SLIT2: variants seen among roughly 807,000 people sequenced by gnomAD.
The protein encoded by SLIT2 is slit homolog 2 protein.
SLIT2 carries 41 observed loss-of-function variants against 185.7 expected under a neutral mutation model. The ratio of observed to expected loss-of-function variants is 0.22; its 90% CI spans 0.17 to 0.29. SLIT2 has a LOEUF of 0.29. Among genes scored for constraint, SLIT2 ranks in the 10% least tolerant of loss-of-function variants. The pLI is 1.00. For synonymous variants in SLIT2, 693 were observed against 680.2 expected (o/e 1.02, Z -0.29); for missense variants, 1,571 against 1,909.0 (o/e 0.82, Z 3.30).
chr4:20,450,771 A>G (rs1160875633), intron 4 of SLIT2, among the ~76,000 whole-genome samples: 2 of 152,228 alleles, frequency 1.3e-5, no homozygotes, highest in African/African-American at 4.8e-5. Flanking sequence ...TGGAAAAGCC[A>G]TAGTGTAAAT....
chr4:20,551,872 A>G (rs1171289754), intron 25 of SLIT2, among the ~76,000 whole-genome samples: 2 of 152,196 alleles, frequency 1.3e-5, no homozygotes, highest in Non-Finnish European at 2.9e-5. Context: ...CCAAAAGTCT[A>G]CGCTTTTACA....
At chr4:20,441,425 G>A (rs1263048077) in intron 4 of SLIT2, among the ~76,000 whole-genome samples, 2 of 151,884 alleles carry the variant, frequency 1.3e-5, no homozygotes, top group African/African-American at 4.8e-5. Flanking sequence ...CTTGCCCCCA[G>A]TGTGGATTTG....
At chr4:20,540,735 G>A (rs1051652020) in intron 19 of SLIT2, among the ~76,000 whole-genome samples, 2 of 152,138 alleles carry the variant, frequency 1.3e-5, no homozygotes, top group Admixed American at 1.3e-4. Context: ...TTTGAGAGAA[G>A]CATCCATCCA....
chr4:20,615,123 G>A (rs985786760), intron 34 of SLIT2: 2 of 152,096 alleles, frequency 1.3e-5, no homozygotes, highest in Non-Finnish European at 2.9e-5. Flanking sequence ...TTTAACCACT[G>A]AAAAAAGGAC....
chr4:20,459,283 A>G (rs1053455763), intron 4 of SLIT2, among the ~76,000 whole-genome samples: 1 of 152,226 alleles, frequency 6.6e-6, no homozygotes, highest in African/African-American at 2.4e-5. Flanking sequence ...GAAGAGATGC[A>G]TATAAATCAA....
intron 21 of SLIT2, among the ~76,000 whole-genome samples, chr4:20,545,830 A>G (rs577234773): frequency 1.3e-5 from 2 of 152,102 alleles, no homozygotes; most frequent in East Asian, 3.9e-4. Flanking sequence ...GATAAACCAC[A>G]AAGAACTGGA....
chr4:20,267,891 C>G (rs1199880457), intron 3 of SLIT2, among the ~76,000 whole-genome samples: 1 of 151,900 alleles, frequency 6.6e-6, no homozygotes, highest in Non-Finnish European at 1.5e-5. Flanking sequence ...TGCCTCTACT[C>G]CTCTCGAGCT....
At chr4:20,436,983 A>T (rs1485877622) in intron 4 of SLIT2, among the ~76,000 whole-genome samples, 2 of 152,202 alleles carry the variant, frequency 1.3e-5, no homozygotes, top group African/African-American at 4.8e-5. Flanking sequence ...AGTTACAAGG[A>T]TTAATGAGAT....
At chr4:20,403,440 T>C (rs1000481492) in intron 4 of SLIT2, among the ~76,000 whole-genome samples, 5 of 151,948 alleles carry the variant, frequency 3.3e-5, no homozygotes, top group Admixed American at 1.3e-4. Flanking sequence ...TGGATTGTTA[T>C]TCTGTTAGCA....
At position 20,500,848 on chromosome 4, in the gene SLIT2, A is replaced by T. The variant is rs919031090; in HGVS notation, c.914+8949A>T. On this transcript the variant is annotated intron_variant, in intron 9 of 36. Coordinates refer to ENST00000504154, the MANE Select transcript of SLIT2 (RefSeq NM_004787.4). ...AATTTTCTTCTGAGATCCTCACAAT[A>T]GCAGAAACTACATATGTATCTCCTA... Among the ~76,000 whole-genome samples the T allele has an allele frequency of 2.0e-5, 3 of 152,206 alleles. No individual in the cohort carries two copies. In the East Asian group the frequency reaches 5.8e-4, roughly 29 times the overall value.
In SLIT2 at chr4:20,420,289, C is replaced by A. The variant is rs569976039; in HGVS notation, c.396-47463C>A. On this transcript the variant is annotated intron_variant, in intron 4 of 36. Transcript: ENST00000504154. ...TTAACTTGGTGCTTTTGGATTCAGGCAGATGTTTAGTTCCAAGAAGCCTTT... is the reference window on the plus strand; with the variant it reads ...TTAACTTGGTGCTTTTGGATTCAGGAAGATGTTTAGTTCCAAGAAGCCTTT... 9.2e-5 allele frequency among the ~76,000 whole-genome samples: 14 copies of A among 152,218 alleles called. No homozygotes were observed. In the East Asian group the frequency reaches 2.7e-3, roughly 29 times the overall value.
chr4:20,258,637 G>A (rs1458102481), intron 3 of SLIT2, among the ~76,000 whole-genome samples: 1 of 151,666 alleles, frequency 6.6e-6, no homozygotes, highest in Non-Finnish European at 1.5e-5. Flanking sequence ...CTTTAAAAAT[G>A]TTTACAGTAT....
chr4:20,468,405 G>T (rs1714595296), intron 5 of SLIT2, among the ~76,000 whole-genome samples: 1 of 152,012 alleles, frequency 6.6e-6, no homozygotes, highest in African/African-American at 2.4e-5. Context: ...TTCCCTTTGT[G>T]TGAGTGTATT....
chr4:20,256,315 T>TGGG (rs770256502), intron 1 of SLIT2, among the ~76,000 whole-genome samples: 2 of 116,752 alleles, frequency 1.7e-5, no homozygotes, highest in African/African-American at 6.7e-5. Context: ...AACTTTTTTT[T>TGGG]TGGGGGGGGT....
At chr4:20,444,321 A>G (rs1309626635) in intron 4 of SLIT2, among the ~76,000 whole-genome samples, 1 of 152,130 alleles carries the variant, frequency 6.6e-6, no homozygotes, top group East Asian at 1.9e-4. Context: ...CTGAAAGTGA[A>G]CACCCTAATG....
chr4:20,569,161 A>G (rs1272248295), intron 29 of SLIT2, 157 bp downstream of exon 29: 1 of 672,512 alleles, frequency 1.5e-6, no homozygotes, highest in East Asian at 2.8e-5. Flanking sequence ...GGACTTAAAG[A>G]TAGTTTCAGC....
intron 4 of SLIT2, among the ~76,000 whole-genome samples, chr4:20,428,747 C>A (rs575702088): frequency 3.3e-5 from 5 of 152,198 alleles, no homozygotes; most frequent in African/African-American, 9.6e-5. Flanking sequence ...ATCGTTTTTT[C>A]CATTAAACAA....
At chr4:20,339,552 G>A (rs1720791176) in intron 4 of SLIT2, among the ~76,000 whole-genome samples, 1 of 152,174 alleles carries the variant, frequency 6.6e-6, no homozygotes, top group Non-Finnish European at 1.5e-5. Flanking sequence ...TTTTCATGTG[G>A]ACTCTAGGGC....
intron 4 of SLIT2, among the ~76,000 whole-genome samples, chr4:20,406,080 A>G (rs965126277): frequency 7.0e-6 from 1 of 143,502 alleles, no homozygotes; most frequent in African/African-American, 2.4e-5. Flanking sequence ...TATCTTCTCA[A>G]TAATGGTCCC....
Sources: gnomAD v4.1 joint callset for allele counts (sites outside exome capture counted in the v4.1 genomes callset) on GRCh38, gnomAD v4.1.1 for gene constraint, MANE v1.5 for transcripts, NCBI Gene and HGNC (gene_info 2026-07-23, HGNC 2026-07-21) for gene names.